MPP3: variants seen among roughly 807,000 people sequenced by gnomAD.
MPP3 encodes the protein MAGUK p55 subfamily member 3.
Under a neutral mutation model 80.7 loss-of-function variants are expected in MPP3, and 48 were observed. The observed-to-expected ratio is 0.59, with a 90% CI of 0.47 to 0.76. MPP3 has a LOEUF of 0.76. MPP3 is among the 30% of genes least tolerant of loss of function. MPP3 has a pLI of 0.00. For missense variants in MPP3, 620 were observed against 763.0 expected (o/e 0.81, Z 2.21); for synonymous variants, 311 against 297.6 (o/e 1.04, Z -0.46).
intron 16 of MPP3, 126 bp downstream of exon 16, chr17:43,813,885 T>C (rs548924078): frequency 1.4e-5 from 11 of 797,896 alleles, no homozygotes; most frequent in East Asian, 5.2e-5. Flanking sequence ...AATTTGCCAA[T>C]AGCAGGCAGT....
In MPP3 at chr17:43,827,849, A is replaced by G. The variant is rs183716402; in HGVS notation, c.442-17T>C. ...GGTGGCACCCTGAACCCGAGACAGA[A>G]GAGACAGGTTCTTAAGCAGCAGCTC... On this transcript the variant is annotated splice_polypyrimidine_tract_variant and intron_variant, in intron 7 of 19. Transcript: ENST00000398389. 9.7e-5 allele frequency: 156 copies of G among 1,612,464 alleles called. No individual in the cohort carries two copies. In the African/African-American group the frequency reaches 1.8e-3, roughly 19 times the overall value.
At chr17:43,818,375 G>A (rs1029896136) in intron 11 of MPP3, among the ~76,000 whole-genome samples, 11 of 152,136 alleles carry the variant, frequency 7.2e-5, no homozygotes, top group Non-Finnish European at 1.5e-4. Context: ...GATCCAGCCC[G>A]GTGTACAATC....
rs371566207 is a variant in MPP3, at chr17:43,814,309, C to T, written c.1062G>A (p.Ser354=). The change falls in exon 15 of 20, where the codon TCG becomes TCA. Residue 354 remains serine, a synonymous_variant. Coordinates refer to ENST00000398389, the MANE Select transcript of MPP3 (RefSeq NM_001932.6). ...CTCCGGAGGACATCTTTCCTTCCTG[C>T]GAGCCACCCAGTCTCTCCCTACAGC... ...RLGCRERLGG[S]QEGKMSSGAE... is the part of the protein sequence containing the mutation. The T allele has an allele frequency of 8.8e-5, 141 of 1,611,278 alleles. No individual in the cohort carries two copies. Among genetic ancestry groups the T allele is most frequent in the Middle Eastern group, 3.3e-4 (2 of 6,080 alleles).
intron 6 of MPP3, 108 bp downstream of exon 6, chr17:43,829,919 G>A (rs2045884231): frequency 1.3e-6 from 2 of 1,545,702 alleles, no homozygotes; most frequent in Non-Finnish European, 8.9e-7. Context: ...CACTAGTGCT[G>A]AGGATCGCTC....
At position 43,814,365 on chromosome 17, in the gene MPP3, G is replaced by C; in HGVS notation, c.1010-4C>G. On this transcript the variant is annotated splice_polypyrimidine_tract_variant and splice_region_variant and intron_variant, in intron 14 of 19. Transcript: ENST00000398389. ...CGGAAGCTCCTCCGAAGACCAGCTT[G>C]GGAGGAGGGGCAGAGGGACACCATG... 1 of 1,596,108 alleles carries C rather than the reference G, an allele frequency of 6.3e-7. No individual in the cohort carries two copies. The highest frequency in any genetic ancestry group is 1.1e-5 in the South Asian group (1 of 89,796).
At chr17:43,829,615 G>A in intron 7 of MPP3, 39 bp downstream of exon 7, 1 of 1,607,472 alleles carries the variant, frequency 6.2e-7, no homozygotes, top group Non-Finnish European at 8.5e-7. Context: ...GAGAGGCAGG[G>A]GAAGAGTGGG....
At chr17:43,824,721 C>A (rs1219766993) in intron 9 of MPP3, among the ~76,000 whole-genome samples, 1 of 152,240 alleles carries the variant, frequency 6.6e-6, no homozygotes, top group East Asian at 1.9e-4. Context: ...GGCAAAAGGA[C>A]TGAAGGGCCT....
chr17:43,831,203 G>A (rs2045941390), intron 5 of MPP3, 41 bp downstream of exon 5: 1 of 1,581,096 alleles, frequency 6.3e-7, no homozygotes, highest in Non-Finnish European at 8.7e-7. Context: ...CTACAGGGTG[G>A]GGAGTGGGGC....
At chr17:43,829,132 G>C (rs1005450919) in intron 7 of MPP3, among the ~76,000 whole-genome samples, 2 of 152,198 alleles carry the variant, frequency 1.3e-5, no homozygotes, top group African/African-American at 4.8e-5. Context: ...CAGTCTGTCT[G>C]CTGGGGAGAG....
Position 43,801,405 on chromosome 17 carries a change from G to C in MPP3, c.*296C>G, listed in dbSNP as rs2044402972. The C allele has an allele frequency of 2.8e-6, 1 of 358,696 alleles. No homozygotes were observed. Among genetic ancestry groups the C allele is most frequent in the Non-Finnish European group, 5.1e-6 (1 of 195,960 alleles). 22.2% of individuals were successfully genotyped at this position (358,696 alleles called of 1,614,324 possible). A position where few individuals can be genotyped will look rare whatever the true frequency, so the allele number is the denominator to read the frequency against. On this transcript the variant is annotated 3_prime_UTR_variant, in exon 20 of 20. Coordinates refer to ENST00000398389, the MANE Select transcript of MPP3 (RefSeq NM_001932.6). ...TAACCACTACCACCCACAAAAGACA[G>C]TGGCTACTTAACTTTGGTACAAAGA... is the stretch of plus-strand genomic sequence containing the variant.
At chr17:43,818,253 C>T in intron 11 of MPP3, 143 bp from the exon 12 acceptor site, 1 of 579,488 alleles carries the variant, frequency 1.7e-6, no homozygotes, top group East Asian at 3.4e-5. Flanking sequence ...TCCTGCTTAG[C>T]ACTAAGTTCC....
chr17:43,816,845 G>C (rs968271980), intron 12 of MPP3, 148 bp from the exon 13 acceptor site: 1 of 738,090 alleles, frequency 1.4e-6, no homozygotes, highest in African/African-American at 1.7e-5. Flanking sequence ...TCTGAGCTGT[G>C]GTACGTTATT....
At position 43,816,076 on chromosome 17, in the gene MPP3, G is replaced by A; in HGVS notation, c.971C>T (p.Thr324Ile). ...TTTGAGGTAGCCCTCACAGTCACAG[G>A]TCTCTGGGAAGCAAACAGAGGGAGG... The part of the protein sequence containing the change: ...PPYDQPCDKE[T>I]CDCEGYLKGH... The change falls in exon 14 of 20, where the codon ACC (threonine) becomes ATC (isoleucine). Residue 324 changes from threonine to isoleucine, a missense_variant. Physicochemically the swap from Thr to Ile is moderately conservative, Grantham distance 89. Transcript: ENST00000398389. The A allele has an allele frequency of 1.3e-6, 2 of 1,509,578 alleles. No individual in the cohort carries two copies. The highest frequency in any genetic ancestry group is 1.7e-4 in the Middle Eastern group (1 of 5,830). The allele number at this position is 1,509,578 out of a possible 1,614,324, so 93.5% of individuals were successfully genotyped here.
rs375160100 is a variant in MPP3 at position 43,814,021 on chromosome 17, G to A, written c.1245C>T (p.Val415=). The stretch of plus-strand genomic sequence containing the variant: ...CATGGGCCCTCTTACGTGGAACAGC[G>A]ACGCCAAAGTGCTGTGGGTTCTCAG... ...VVAENPQHFG[V]AVPHTTRPRK... Residue 415 remains valine (V), a synonymous_variant, in exon 16 of 20, where the codon GTC becomes GTT. Coordinates refer to ENST00000398389, the MANE Select transcript of MPP3 (RefSeq NM_001932.6). 6.8e-6 allele frequency: 11 copies of A among 1,612,302 alleles called. No homozygotes were observed. The highest frequency in any genetic ancestry group is 1.6e-4 in the Middle Eastern group (1 of 6,078).
chr17:43,810,383 CCCT>C (rs1462234740), intron 18 of MPP3, among the ~76,000 whole-genome samples: 1 of 152,118 alleles, frequency 6.6e-6, no homozygotes, highest in Non-Finnish European at 1.5e-5. Context: ...CTCACTGCCT[CCCT>C]GAGTGGTTCT....
chr17:43,815,840 A>G, intron 14 of MPP3, 198 bp downstream of exon 14: 1 of 667,410 alleles, frequency 1.5e-6, no homozygotes, highest in Non-Finnish European at 2.7e-6. Flanking sequence ...GCTGGGTAAA[A>G]GCTGGGTGGG....
At chr17:43,826,185 A>T (rs907384510) in intron 8 of MPP3, among the ~76,000 whole-genome samples, 2 of 152,218 alleles carry the variant, frequency 1.3e-5, no homozygotes, top group South Asian at 4.1e-4. Context: ...TTTTTGCTAT[A>T]ATCTCTGCTT....
rs374351353 is a variant in MPP3, at chr17:43,816,778, G to A, written c.947-81C>T. The A allele has an allele frequency of 3.8e-4, 528 of 1,371,934 alleles. 2 individuals are homozygous for A. The highest frequency in any genetic ancestry group is 2.3e-3 in the Middle Eastern group (13 of 5,650). 85.0% of individuals were successfully genotyped at this position (1,371,934 alleles called of 1,614,324 possible). A position where few individuals can be genotyped will look rare whatever the true frequency, so the allele number is the denominator to read the frequency against. On this transcript the variant is annotated intron_variant, in intron 12 of 19. Transcript: ENST00000398389. Reference sequence around the variant, plus strand: ...CTGCGGCTGAGGGCAGCCACGGCCCGAGTGCCTGAGGAGCCCGCCATCTGG... The same window carrying A: ...CTGCGGCTGAGGGCAGCCACGGCCCAAGTGCCTGAGGAGCCCGCCATCTGG...
intron 14 of MPP3, chr17:43,814,770 G>T: frequency 6.3e-6 from 1 of 158,284 alleles, no homozygotes. Context: ...GCATATAACA[G>T]ATTTGGATAC....
Sources: allele counts gnomAD v4.1 joint callset (sites outside exome capture counted in the v4.1 genomes callset), GRCh38; gene constraint gnomAD v4.1.1; transcripts MANE v1.5; gene names NCBI Gene and HGNC (gene_info 2026-07-23, HGNC 2026-07-21).